ZNF865: variants seen among roughly 807,000 people sequenced by gnomAD.
ZNF865 encodes zinc finger protein 865.
For synonymous variants in ZNF865, 763 were observed against 750.8 expected, an observed-to-expected ratio of 1.02 and a Z score of -0.27; for missense variants, 1,311 against 1,593.4, an observed-to-expected ratio of 0.82 and a Z score of 3.02.
At chr19:55,607,447 A>G (rs1447588830) in intron 1 of ZNF865, among the ~76,000 whole-genome samples, 2 of 149,690 alleles carry the variant, frequency 1.3e-5, no homozygotes, top group Non-Finnish European at 3.0e-5. Flanking sequence ...AGGAAAAAAA[A>G]AAAAAAAAAA....
chr19:55,615,944 G>A lies in ZNF865; in HGVS notation c.2326G>A (p.Ala776Thr). Residue 776 changes from alanine to threonine, a missense_variant, in exon 2 of 2, where the codon GCG becomes ACG. Physicochemically the swap from Ala to Thr is moderately conservative, Grantham distance 58. Coordinates refer to ENST00000568956, the MANE Select transcript of ZNF865 (RefSeq NM_001195605.2). ...GVSGGEDAGGAAVAGAGGGAS... is the reference protein window; with the variant it reads ...GVSGGEDAGGTAVAGAGGGAS... ...GTCTGGGGGTGAGGACGCAGGCGGG[G>A]CGGCGGTGGCAGGTGCTGGCGGGGG... 1 of 1,509,174 alleles carries A rather than the reference G, an allele frequency of 6.6e-7. No homozygotes were observed. Among genetic ancestry groups the A allele is most frequent in the Non-Finnish European group, 8.8e-7 (1 of 1,134,460 alleles). 93.5% of individuals were successfully genotyped at this position (1,509,174 alleles called of 1,614,324 possible). A position where few individuals can be genotyped will look rare whatever the true frequency, so the allele number is the denominator to read the frequency against.
rs1204449430 is a variant in ZNF865 at position 55,611,522 on chromosome 19, G to C, written c.-26-2071G>C. ...TTTCCGGAGATCAGATTAAACGGAG[G>C]GGGTGTGAAGGGCATGGGATGTTGA... On this transcript the variant is annotated intron_variant, in intron 1 of 1. Transcript: ENST00000568956. This position sits in a 1 kb window ranked among gnomAD's most constrained non-coding sequence, Gnocchi z 4.5. 6.6e-6 allele frequency among the ~76,000 whole-genome samples: 1 copy of C among 152,188 alleles called. No homozygotes were observed. The highest frequency in any genetic ancestry group is 2.4e-5 in the African/African-American group (1 of 41,424).
At chr19:55,607,439 GAAAAAAAA>G (rs112301848) in intron 1 of ZNF865, among the ~76,000 whole-genome samples, 6 of 78,392 alleles carry the variant, frequency 7.7e-5, no homozygotes, top group Non-Finnish European at 1.0e-4. Flanking sequence ...GTCTTTACAG[GAAAAAAAA>G]AAAAAAAAAA....
At chr19:55,606,018 T>C (rs185709353) in intron 1 of ZNF865, among the ~76,000 whole-genome samples, 7 of 152,100 alleles carry the variant, frequency 4.6e-5, no homozygotes, top group Non-Finnish European at 8.8e-5. Flanking sequence ...TAGGATCCCC[T>C]CCACATAGCG....
In ZNF865 at chr19:55,614,989, C is replaced by T. The variant is rs1054214910; in HGVS notation, c.1371C>T (p.Leu457=). ...GKSYSAPQSL[L]RHKAAHAPPA... is the part of the protein sequence containing the mutation. The stretch of plus-strand genomic sequence containing the variant: ...CCTACTCGGCTCCGCAGAGCCTGCT[C>T]CGCCACAAGGCCGCCCACGCCCCGC... The change falls in exon 2 of 2, where the codon CTC becomes CTT. Residue 457 remains leucine, a synonymous_variant. Coordinates refer to ENST00000568956, the MANE Select transcript of ZNF865 (RefSeq NM_001195605.2). This position sits in a 1 kb window ranked among gnomAD's most constrained non-coding sequence, Gnocchi z 8.0. 4 of 1,418,050 alleles carry T rather than the reference C, an allele frequency of 2.8e-6. No homozygotes were observed. The highest frequency in any genetic ancestry group is 2.7e-6 in the Non-Finnish European group (3 of 1,093,514). 87.8% of individuals were successfully genotyped at this position (1,418,050 alleles called of 1,614,324 possible).
chr19:55,608,312 CTTTT>C (rs758447041), intron 1 of ZNF865, among the ~76,000 whole-genome samples: 1 of 125,292 alleles, frequency 8.0e-6, no homozygotes, highest in Non-Finnish European at 1.7e-5. Flanking sequence ...AGGACTGTGG[CTTTT>C]TTTTTTTTTT....
rs1418824569 is a variant in ZNF865 at position 55,613,579 on chromosome 19, C to T, written c.-26-14C>T. ...GCCGCGGCCGTGTCCTCAGCCCCGTCCTCCTCTTCACAGGGTCTCCCGTCT... is the reference window on the plus strand; with the variant it reads ...GCCGCGGCCGTGTCCTCAGCCCCGTTCTCCTCTTCACAGGGTCTCCCGTCT... On this transcript the variant is annotated splice_polypyrimidine_tract_variant and intron_variant, in intron 1 of 1. Transcript: ENST00000568956. The T allele has an allele frequency of 1.3e-6, 2 of 1,484,006 alleles. No individual in the cohort carries two copies. Among genetic ancestry groups the T allele is most frequent in the Non-Finnish European group, 1.8e-6 (2 of 1,121,490 alleles). 91.9% of individuals were successfully genotyped at this position (1,484,006 alleles called of 1,614,324 possible). A position where few individuals can be genotyped will look rare whatever the true frequency, so the allele number is the denominator to read the frequency against.
intron 1 of ZNF865, among the ~76,000 whole-genome samples, chr19:55,610,256 CTTTT>C (rs1281848530): frequency 2.0e-5 from 3 of 152,000 alleles, no homozygotes; most frequent in Non-Finnish European, 4.4e-5. Flanking sequence ...AGTTTTTTTG[CTTTT>C]TGTTTGTTTG....
In ZNF865 at chr19:55,611,795, C is replaced by T. The variant is rs145192289; in HGVS notation, c.-26-1798C>T. 6.6e-6 allele frequency among the ~76,000 whole-genome samples: 1 copy of T among 152,272 alleles called. No homozygotes were observed. The highest frequency in any genetic ancestry group is 1.9e-4 in the East Asian group (1 of 5,174). ...CAGGAAGCGGGTCAGACCTCATGGG[C>T]CCTTCACCGACTCACCCTCCGCCCA... On this transcript the variant is annotated intron_variant, in intron 1 of 1. Transcript: ENST00000568956. The surrounding 1 kb of genome is among the most constrained non-coding windows in gnomAD (Gnocchi z 4.5).
At position 55,616,952 on chromosome 19, in the gene ZNF865, A is replaced by G; in HGVS notation, c.*154A>G. On this transcript the variant is annotated 3_prime_UTR_variant, in exon 2 of 2. Transcript: ENST00000568956. ...TCAGGGCGCACGCCCGACAGGCTCA[A>G]GACTGAATCACTCCCATCCTCGACC... is the stretch of plus-strand genomic sequence containing the variant. The G allele has an allele frequency of 1.4e-6, 1 of 727,566 alleles. No homozygotes were observed. The highest frequency in any genetic ancestry group is 3.2e-5 in the East Asian group (1 of 31,572). 45.1% of individuals were successfully genotyped at this position (727,566 alleles called of 1,614,324 possible). A position where few individuals can be genotyped will look rare whatever the true frequency, so the allele number is the denominator to read the frequency against.
At chr19:55,609,577 A>G (rs957139295) in intron 1 of ZNF865, among the ~76,000 whole-genome samples, 2 of 152,182 alleles carry the variant, frequency 1.3e-5, no homozygotes, top group African/African-American at 4.8e-5. Flanking sequence ...CATCAGAAAG[A>G]CCTGGAATCA....
Position 55,614,822 on chromosome 19 carries a change from G to C in ZNF865, c.1204G>C (p.Ala402Pro), listed in dbSNP as rs1407258259. ...SLKRHVKTHSADLLRLPCGIC... is the reference protein window; with the variant it reads ...SLKRHVKTHSPDLLRLPCGIC... Reference sequence around the variant, plus strand: ...GAAGCGCCACGTGAAGACGCACTCGGCCGACCTCCTGCGCCTGCCCTGCGG... The same window carrying C: ...GAAGCGCCACGTGAAGACGCACTCGCCCGACCTCCTGCGCCTGCCCTGCGG... Residue 402 changes from alanine to proline, a missense_variant, in exon 2 of 2, where the codon GCC becomes CCC. Physicochemically the swap from Ala to Pro is conservative, Grantham distance 27. Transcript: ENST00000568956. The surrounding 1 kb of genome is among the most constrained non-coding windows in gnomAD (Gnocchi z 8.0). 4 of 1,539,130 alleles carry C rather than the reference G, an allele frequency of 2.6e-6. No homozygotes were observed. The highest frequency in any genetic ancestry group is 2.6e-6 in the Non-Finnish European group (3 of 1,149,862).
rs745959264 is a variant in ZNF865 at position 55,614,759 on chromosome 19, T to G, written c.1141T>G (p.Ser381Ala). ...CACGGGCGAGAAGCCCTTCTCCTGCTCCGTGTGCAGCAAAAGCTTCAACCG... is the reference window on the plus strand; with the variant it reads ...CACGGGCGAGAAGCCCTTCTCCTGCGCCGTGTGCAGCAAAAGCTTCAACCG... ...IHTGEKPFSCSVCSKSFNRRE... is the reference protein window; with the variant it reads ...IHTGEKPFSCAVCSKSFNRRE... The change falls in exon 2 of 2, where the codon TCC (serine) becomes GCC (alanine). Residue 381 changes from serine to alanine, a missense_variant. Physicochemically the swap from Ser to Ala is moderately conservative, Grantham distance 99. Coordinates refer to ENST00000568956, the MANE Select transcript of ZNF865 (RefSeq NM_001195605.2). This position sits in a 1 kb window ranked among gnomAD's most constrained non-coding sequence, Gnocchi z 8.0. 4 of 1,580,486 alleles carry G rather than the reference T, an allele frequency of 2.5e-6. No homozygotes were observed. The highest frequency in any genetic ancestry group is 3.4e-6 in the Non-Finnish European group (4 of 1,171,688).
chr19:55,609,810 C>G (rs1369955119), intron 1 of ZNF865, among the ~76,000 whole-genome samples: 1 of 152,192 alleles, frequency 6.6e-6, no homozygotes, highest in East Asian at 1.9e-4. Flanking sequence ...GGGTGGGTCC[C>G]TCCCCATCAT....
chr19:55,606,704 G>A (rs896109828), intron 1 of ZNF865, among the ~76,000 whole-genome samples: 20 of 152,190 alleles, frequency 1.3e-4, no homozygotes, highest in Non-Finnish European at 2.9e-4. Context: ...TTCTTTTCTC[G>A]TAGGCATTCC....
rs1461242964 is a variant in ZNF865, at chr19:55,614,398, C to A, written c.780C>A (p.Thr260=). Residue 260 remains threonine, a synonymous_variant, in exon 2 of 2, where the codon ACC becomes ACA. Transcript: ENST00000568956. The surrounding 1 kb of genome is among the most constrained non-coding windows in gnomAD (Gnocchi z 8.0). ...RPYECGVCGR[T]YNHVSSLIRH... Reference sequence around the variant, plus strand: ...ACGAATGCGGCGTCTGCGGCCGCACCTACAACCACGTGTCCAGCCTCATCC... The same window carrying A: ...ACGAATGCGGCGTCTGCGGCCGCACATACAACCACGTGTCCAGCCTCATCC... 6.7e-7 allele frequency: 1 copy of A among 1,482,946 alleles called. No individual in the cohort carries two copies. The highest frequency in any genetic ancestry group is 8.9e-7 in the Non-Finnish European group (1 of 1,121,170). The allele number at this position is 1,482,946 out of a possible 1,614,324, so 91.9% of individuals were successfully genotyped here.
chr19:55,613,677 G>C lies in ZNF865; in HGVS notation c.59G>C (p.Gly20Ala). Residue 20 changes from glycine to alanine, a missense_variant, in exon 2 of 2, where the codon GGC becomes GCC. Transcript: ENST00000568956. The part of the protein sequence containing the change: ...AGGGGSSGIG[G>A]EDGVHFQSYP... The stretch of plus-strand genomic sequence containing the variant: ...GGTGGCGGGAGCAGCGGCATCGGGG[G>C]CGAGGACGGGGTGCACTTCCAGAGC... 2 of 1,532,370 alleles carry C rather than the reference G, an allele frequency of 1.3e-6. No individual in the cohort carries two copies. Among genetic ancestry groups the C allele is most frequent in the Admixed American group, 4.0e-5 (2 of 50,394 alleles). The allele number at this position is 1,532,370 out of a possible 1,614,324, so 94.9% of individuals were successfully genotyped here.
chr19:55,616,036 C>T lies in ZNF865; in HGVS notation c.2418C>T (p.Gly806=). Residue 806 remains glycine, a synonymous_variant, in exon 2 of 2, where the codon GGC becomes GGT. Transcript: ENST00000568956. The part of the protein sequence containing the change: ...TCGQSFKHFL[G]LVTHKYVHLV... ...GCCAGAGTTTCAAGCACTTCCTGGG[C>T]CTCGTGACTCACAAGTACGTGCACC... 6.6e-7 allele frequency: 1 copy of T among 1,525,522 alleles called. No homozygotes were observed. The highest frequency in any genetic ancestry group is 1.2e-5 in the South Asian group (1 of 83,088). 94.5% of individuals were successfully genotyped at this position (1,525,522 alleles called of 1,614,324 possible).
chr19:55,611,635 C>T lies in ZNF865; in HGVS notation c.-26-1958C>T, dbSNP rs774747785. Among the ~76,000 whole-genome samples the T allele has an allele frequency of 6.6e-6, 1 of 152,086 alleles. No individual in the cohort carries two copies. Among genetic ancestry groups the T allele is most frequent in the Non-Finnish European group, 1.5e-5 (1 of 67,988 alleles). The stretch of plus-strand genomic sequence containing the variant: ...GTTTGGGGTGGGGGTGGAAGAGACA[C>T]TCACCCCTCACCTGTGGGAGGAGAG... On this transcript the variant is annotated intron_variant, in intron 1 of 1. Coordinates refer to ENST00000568956, the MANE Select transcript of ZNF865 (RefSeq NM_001195605.2). This position sits in a 1 kb window ranked among gnomAD's most constrained non-coding sequence, Gnocchi z 4.5.
Sources: allele counts gnomAD v4.1 joint callset (sites outside exome capture counted in the v4.1 genomes callset), GRCh38; gene constraint gnomAD v4.1.1; non-coding constraint Gnocchi (gnomAD v3.1); transcripts MANE v1.5; gene names NCBI Gene and HGNC (gene_info 2026-07-23, HGNC 2026-07-21).